The following KPNA6 variants were observed in gnomAD, a reference collection of about 807,000 sequenced individuals.
KPNA6 encodes the protein importin subunit alpha-7.
Under a neutral mutation model 72.0 loss-of-function variants are expected in KPNA6, and 9 were observed. That is an observed-to-expected ratio of 0.13 (90% CI 0.08 to 0.22). KPNA6 has a LOEUF of 0.22. KPNA6 is among the 10% of genes least tolerant of loss of function. The pLI is 1.00. For missense variants in KPNA6, 374 were observed against 655.7 expected (o/e 0.57, Z 4.69); for synonymous variants, 219 against 242.1 (o/e 0.90, Z 0.89).
chr1:32,152,289 C>T (rs185998272), intron 1 of KPNA6, among the ~76,000 whole-genome samples: 2 of 152,252 alleles, frequency 1.3e-5, no homozygotes, highest in East Asian at 1.9e-4. Context: ...TGATCGTGCA[C>T]TGCACTCCAG....
intron 1 of KPNA6, among the ~76,000 whole-genome samples, chr1:32,132,923 T>C (rs937568664): frequency 1.3e-5 from 2 of 151,524 alleles, no homozygotes; most frequent in South Asian, 4.2e-4. Context: ...TATATACATA[T>C]GGGGTCCCAC....
Position 32,172,786 on chromosome 1 carries a change from A to C in KPNA6, c.*1892A>C. The C allele has an allele frequency of 2.5e-5, 6 of 240,110 alleles. No individual in the cohort carries two copies. Among genetic ancestry groups the C allele is most frequent in the Admixed American group, 5.6e-5 (1 of 17,836 alleles). The allele number at this position is 240,110 out of a possible 1,614,324, so 14.9% of individuals were successfully genotyped here. A position where few individuals can be genotyped will look rare whatever the true frequency, so the allele number is the denominator to read the frequency against. The stretch of plus-strand genomic sequence containing the variant: ...CTCCCCACTGTGGTTAGTCAGAGGC[A>C]TCCTGCTCCAAGCTCTGCTTTTCCT... On this transcript the variant is annotated 3_prime_UTR_variant, in exon 14 of 14. Transcript: ENST00000373625.
Position 32,167,156 on chromosome 1 carries a change from A to G in KPNA6, c.1117-13A>G. 6.2e-7 allele frequency: 1 copy of G among 1,612,658 alleles called. No homozygotes were observed. Among genetic ancestry groups the G allele is most frequent in the Non-Finnish European group, 8.5e-7 (1 of 1,178,974 alleles). On this transcript the variant is annotated splice_polypyrimidine_tract_variant and intron_variant, in intron 11 of 13. Transcript: ENST00000373625. Reference sequence around the variant, plus strand: ...TTTCTCCTTCCATCTGCCTCCTCTCAATTCTCTCTCAGGCTGTTATAGATG... The same window carrying G: ...TTTCTCCTTCCATCTGCCTCCTCTCGATTCTCTCTCAGGCTGTTATAGATG...
At chr1:32,130,685 C>T (rs888475121) in intron 1 of KPNA6, among the ~76,000 whole-genome samples, 3 of 151,536 alleles carry the variant, frequency 2.0e-5, no homozygotes, top group African/African-American at 7.3e-5. Flanking sequence ...GCTTAGGAGG[C>T]TGAGGTGGGT....
At chr1:32,119,049 T>TTTGAGAGA in intron 1 of KPNA6, among the ~76,000 whole-genome samples, 1 of 132,746 alleles carries the variant, frequency 7.5e-6, no homozygotes, top group Non-Finnish European at 1.6e-5. Flanking sequence ...TTTTTTTTTT[T>TTTGAGAGA]GAGAGAGAGT....
intron 1 of KPNA6, among the ~76,000 whole-genome samples, chr1:32,135,058 A>G (rs1641709583): frequency 6.6e-6 from 1 of 150,610 alleles, no homozygotes; most frequent in African/African-American, 2.4e-5. Context: ...GGCACGTGCT[A>G]CCACTCCTGG....
chr1:32,114,834 A>G (rs926699524), intron 1 of KPNA6, among the ~76,000 whole-genome samples: 3 of 152,158 alleles, frequency 2.0e-5, no homozygotes, highest in African/African-American at 7.2e-5. Flanking sequence ...GCATCAGCAC[A>G]TGCTGCTTCA....
chr1:32,120,743 T>A (rs1641418019), intron 1 of KPNA6, among the ~76,000 whole-genome samples: 1 of 151,602 alleles, frequency 6.6e-6, no homozygotes, highest in African/African-American at 2.4e-5. Context: ...ATTTTTTGTA[T>A]CTTTAGTAGA....
intron 1 of KPNA6, among the ~76,000 whole-genome samples, chr1:32,147,671 T>C (rs1274675737): frequency 7.1e-6 from 1 of 140,468 alleles, no homozygotes; most frequent in African/African-American, 2.8e-5. Context: ...TTTTTTTTTT[T>C]TTTTTTGAGA....
chr1:32,170,625 A>T, intron 13 of KPNA6, 82 bp from the exon 14 acceptor site: 5 of 1,180,770 alleles, frequency 4.2e-6, no homozygotes, highest in Non-Finnish European at 6.2e-6. Context: ...AACATACCTC[A>T]GGGAAGGAAA....
chr1:32,150,036 GA>G (rs1642000036), intron 1 of KPNA6, among the ~76,000 whole-genome samples: 1 of 151,194 alleles, frequency 6.6e-6, no homozygotes, highest in South Asian at 2.1e-4. Context: ...TTTTGGTTGT[GA>G]TGTGTCTTGT....
chr1:32,135,997 A>G (rs745540659), intron 1 of KPNA6, among the ~76,000 whole-genome samples: 2 of 152,192 alleles, frequency 1.3e-5, no homozygotes, highest in Non-Finnish European at 2.9e-5. Context: ...AGATAGGATC[A>G]CTTAAAAATT....
chr1:32,119,026 A>ATTTTTTTT (rs1221375496), intron 1 of KPNA6, among the ~76,000 whole-genome samples: 13 of 69,386 alleles, frequency 1.9e-4, no homozygotes, highest in African/African-American at 8.5e-4. Context: ...ATATATATAT[A>ATTTTTTTT]TATATATTTT....
At chr1:32,156,533 G>A (rs191124698) in intron 2 of KPNA6, among the ~76,000 whole-genome samples, 34 of 152,308 alleles carry the variant, frequency 2.2e-4, no homozygotes, top group Non-Finnish European at 2.8e-4. Context: ...GGATGCACTG[G>A]ACAAAGGATG....
rs542853364 is a variant in KPNA6, at chr1:32,116,049, A to G, written c.4+7915A>G. Among the ~76,000 whole-genome samples, 49 of 152,066 alleles carry G rather than the reference A, an allele frequency of 3.2e-4. 1 individual carries two copies. The highest frequency in any genetic ancestry group is 3.9e-4 in the Admixed American group (6 of 15,242). ...ATAAGCCACTGCGCTCGGCTCCTTA[A>G]ACCTTATGAACCAGTCTCGTTAGAG... is the stretch of plus-strand genomic sequence containing the variant. On this transcript the variant is annotated intron_variant, in intron 1 of 13. Coordinates refer to ENST00000373625, the MANE Select transcript of KPNA6 (RefSeq NM_012316.5).
intron 3 of KPNA6, among the ~76,000 whole-genome samples, 191 bp from the exon 4 acceptor site, chr1:32,157,155 C>T (rs1015967262): frequency 6.6e-6 from 1 of 152,192 alleles, no homozygotes; most frequent in Admixed American, 6.5e-5. Flanking sequence ...TCAGTTGCCT[C>T]AGAATTAGGA....
intron 9 of KPNA6, among the ~76,000 whole-genome samples, 190 bp from the exon 10 acceptor site, chr1:32,163,045 A>T (rs1471662748): frequency 2.6e-5 from 4 of 151,804 alleles, no homozygotes; most frequent in Non-Finnish European, 5.9e-5. Flanking sequence ...CAGAGCTTGC[A>T]GTGAGCCGAG....
chr1:32,160,537 C>T (rs1642219291), intron 6 of KPNA6, 78 bp from the exon 7 acceptor site: 1 of 1,061,988 alleles, frequency 9.4e-7, no homozygotes, highest in South Asian at 1.3e-5. Flanking sequence ...GGTGGGTACT[C>T]ACTTTGCAGT....
At chr1:32,128,422 T>TAC (rs1291680631) in intron 1 of KPNA6, among the ~76,000 whole-genome samples, 43 of 118,436 alleles carry the variant, frequency 3.6e-4, no homozygotes, top group African/African-American at 1.3e-3. Context: ...TATATATATA[T>TAC]ATATACACAC....
Sources: gnomAD v4.1 joint callset for allele counts (sites outside exome capture counted in the v4.1 genomes callset) on GRCh38, gnomAD v4.1.1 for gene constraint, MANE v1.5 for transcripts, NCBI Gene and HGNC (gene_info 2026-07-23, HGNC 2026-07-21) for gene names.